Variants in STK10 observed in about 807,000 individuals in gnomAD.
STK10 encodes the protein serine/threonine-protein kinase 10.
Under a neutral mutation model 113.8 loss-of-function variants are expected in STK10, and 78 were observed. That is an observed-to-expected ratio of 0.69 (90% confidence interval 0.57 to 0.83). STK10 has a LOEUF of 0.83. Among genes scored for constraint, STK10 ranks in the 40% least tolerant of loss-of-function variants. The probability of loss-of-function intolerance (pLI) is 0.00; values close to 1 mark genes in which losing one functional copy is unlikely to be tolerated. For synonymous variants in STK10, 465 were observed against 494.7 expected (o/e 0.94, Z 0.80); for missense variants, 1,109 against 1,280.1 (o/e 0.87, Z 2.04).
intron 1 of STK10, among the ~76,000 whole-genome samples, chr5:172,162,929 C>T (rs950244665): frequency 6.6e-6 from 1 of 152,234 alleles, no homozygotes; most frequent in Admixed American, 6.5e-5. Flanking sequence ...GGCCAGGCCT[C>T]AGCCAGTACC....
chr5:172,085,093 A>C (rs973111054), intron 10 of STK10, among the ~76,000 whole-genome samples: 6 of 152,098 alleles, frequency 3.9e-5, no homozygotes, highest in Admixed American at 2.6e-4. Flanking sequence ...AAAAATACAA[A>C]AATTAGCCGG....
In STK10 at chr5:172,117,618, C is replaced by T; in HGVS notation, c.383G>A (p.Gly128Asp). Residue 128 changes from glycine (G) to aspartate (D), a missense_variant, in exon 4 of 19, where the codon GGC becomes GAC. Gly to Asp is a moderately conservative substitution (Grantham distance 94). This residue lies in a region of STK10 where 120 missense variants were observed against 134.8 expected (regional missense o/e 0.89). Transcript: ENST00000176763. Reference sequence around the variant, plus strand: ...CACCTGTATCTGGGGCTCCGTGAGGCCTCTGTCCAGCTCTGGAAATGGAGG... The same window carrying T: ...CACCTGTATCTGGGGCTCCGTGAGGTCTCTGTCCAGCTCTGGAAATGGAGG... ...VDAIMLELDRGLTEPQIQVVC... is the reference protein window; with the variant it reads ...VDAIMLELDRDLTEPQIQVVC... 6.2e-7 allele frequency: 1 copy of T among 1,614,058 alleles called. No homozygotes were observed.
intron 12 of STK10, among the ~76,000 whole-genome samples, chr5:172,069,420 G>C (rs1387714123): frequency 6.6e-6 from 1 of 152,060 alleles, no homozygotes; most frequent in Non-Finnish European, 1.5e-5. Context: ...TCAGAACAAG[G>C]AATATTATCA....
In STK10 at chr5:172,127,400, CT is replaced by C; in HGVS notation, c.342del (p.Gly116GlufsTer27). ...GKLWIMIEFCPGGAVDAIMLE... is the reference protein window; with the variant it reads ...GKLWIMIEFCXGGAVDAIMLE... ...AGCATGATGGCGTCCACGGCTCCCC[CT>C]GGACAGAACTCAATCATGATCTGCA... On this transcript the variant is annotated frameshift_variant, in exon 3 of 19. Transcript: ENST00000176763. LOFTEE classifies it high-confidence loss of function. 6.2e-7 allele frequency: 1 copy of C among 1,613,902 alleles called. No individual in the cohort carries two copies. The highest frequency in any genetic ancestry group is 8.5e-7 in the Non-Finnish European group (1 of 1,179,850).
At chr5:172,181,127 A>G (rs10059899) in intron 1 of STK10, among the ~76,000 whole-genome samples, 39,011 of 152,132 alleles carry the variant, frequency 0.26, 7,269 homozygotes, top group African/African-American at 0.53. Flanking sequence ...CAGATTGCAC[A>G]CACACCTCCT....
At chr5:172,123,846 A>G (rs1769566293) in intron 3 of STK10, among the ~76,000 whole-genome samples, 1 of 152,134 alleles carries the variant, frequency 6.6e-6, no homozygotes, top group South Asian at 2.1e-4. Flanking sequence ...TGCATGCAGA[A>G]AACCAGCATG....
Position 172,107,828 on chromosome 5 carries a change from T to C in STK10, c.545A>G (p.Asn182Ser), listed in dbSNP as rs752569044. 6 of 1,614,192 alleles carry C rather than the reference T, an allele frequency of 3.7e-6. No individual in the cohort carries two copies. Among genetic ancestry groups the C allele is most frequent in the Admixed American group, 3.3e-5 (2 of 60,026 alleles). Reference sequence around the variant, plus strand: ...ATCTCGTTTCTGTAGAGTCTTCAGATTCTTGGCAGACACACCAAAGTCAGC... The same window carrying C: ...ATCTCGTTTCTGTAGAGTCTTCAGACTCTTGGCAGACACACCAAAGTCAGC... ...RLADFGVSAK[N>S]LKTLQKRDSF... The change falls in exon 5 of 19, where the codon AAT (asparagine) becomes AGT (serine). Residue 182 changes from asparagine (N) to serine (S), a missense_variant. Asn to Ser is a conservative substitution (Grantham distance 46, BLOSUM62 1). This residue lies in a region of STK10 where 44 missense variants were observed against 84.4 expected (regional missense o/e 0.52). Transcript: ENST00000176763.
rs1581158582 is a variant in STK10, at chr5:172,105,654, A to C, written c.870+2T>G. On this transcript the variant is annotated splice_donor_variant, in intron 7 of 18. Transcript: ENST00000176763. LOFTEE classifies it high-confidence loss of function. The stretch of plus-strand genomic sequence containing the variant: ...AGCAGAGTGGGAGGGGAATCCACTC[A>C]CCTCCAGCAGCTGCGCGGCACTGGG... The C allele has an allele frequency of 6.2e-7, 1 of 1,613,218 alleles. No homozygotes were observed.
At position 172,133,817 on chromosome 5, in the gene STK10, C is replaced by T. The variant is rs1769803312; in HGVS notation, c.322-6396G>A. Among the ~76,000 whole-genome samples the T allele has an allele frequency of 6.6e-6, 1 of 152,180 alleles. No individual in the cohort carries two copies. Among genetic ancestry groups the T allele is most frequent in the East Asian group, 1.9e-4 (1 of 5,202 alleles). On this transcript the variant is annotated intron_variant, in intron 2 of 18. Transcript: ENST00000176763. This position sits in a 1 kb window ranked among gnomAD's most constrained non-coding sequence, Gnocchi z 4.9. ...GTTTAAGGTTTGCTGTCACTTGTTA[C>T]CAAAAGTACCTGATCCCACGCTTGG...
intron 2 of STK10, among the ~76,000 whole-genome samples, chr5:172,129,827 G>A (rs1185487226): frequency 6.6e-6 from 1 of 152,188 alleles, no homozygotes; most frequent in Non-Finnish European, 1.5e-5. Flanking sequence ...CTAGCTGGGC[G>A]ACCTGTGAGA....
chr5:172,115,024 C>G (rs1769344500), intron 4 of STK10: 2 of 152,302 alleles, frequency 1.3e-5, no homozygotes, highest in African/African-American at 4.8e-5. Context: ...GTGCGATTCT[C>G]ACAGGCTGGG....
At chr5:172,107,683 C>A in intron 5 of STK10, 97 bp downstream of exon 5, 1 of 842,922 alleles carries the variant, frequency 1.2e-6, no homozygotes. Context: ...GCGTGTAGCC[C>A]TTGTCTTCCG....
At chr5:172,161,752 T>C (rs922079186) in intron 1 of STK10, among the ~76,000 whole-genome samples, 1 of 152,108 alleles carries the variant, frequency 6.6e-6, no homozygotes, top group Non-Finnish European at 1.5e-5. Flanking sequence ...CAATATCTCA[T>C]AGACAGATGA....
chr5:172,071,285 T>TAA (rs113372968), intron 12 of STK10, among the ~76,000 whole-genome samples: 1,027 of 40,516 alleles, frequency 0.025, 17 homozygotes, highest in African/African-American at 0.086. Context: ...ATGAAAAGTT[T>TAA]AAAAAAAAAA....
At chr5:172,127,247 G>T in intron 3 of STK10, 126 bp downstream of exon 3, 1 of 959,192 alleles carries the variant, frequency 1.0e-6, no homozygotes, top group Non-Finnish European at 1.6e-6. Flanking sequence ...GCTCAAAGAG[G>T]CCATGGGAAC....
chr5:172,102,315 T>C (rs1032626985), intron 7 of STK10, among the ~76,000 whole-genome samples: 16 of 152,076 alleles, frequency 1.1e-4, no homozygotes, highest in African/African-American at 3.9e-4. Flanking sequence ...CCTGCATGGT[T>C]TGGGGCCTGA....
chr5:172,178,463 C>G (rs80230192), intron 1 of STK10, among the ~76,000 whole-genome samples: 434 of 152,314 alleles, frequency 2.8e-3, no homozygotes, highest in African/African-American at 9.8e-3. Context: ...TCAGGCAGCA[C>G]CTTTCGGTCT....
At chr5:172,183,507 T>C (rs1581194881) in intron 1 of STK10, among the ~76,000 whole-genome samples, 2 of 150,706 alleles carry the variant, frequency 1.3e-5, no homozygotes, top group Admixed American at 6.7e-5. Flanking sequence ...CAGGCTGGAG[T>C]GCACAATCTC....
At chr5:172,105,986 G>C (rs949072554) in intron 6 of STK10, among the ~76,000 whole-genome samples, 3 of 152,228 alleles carry the variant, frequency 2.0e-5, no homozygotes, top group African/African-American at 7.2e-5. Flanking sequence ...GCAGTGCCGG[G>C]ATTTGAACCC....
Sources: gnomAD v4.1 joint callset for allele counts (sites outside exome capture counted in the v4.1 genomes callset) on GRCh38, gnomAD v4.1.1 for gene constraint, gnomAD v4.1.1 regional missense constraint, Gnocchi (gnomAD v3.1) non-coding constraint, MANE v1.5 for transcripts, NCBI Gene and HGNC (gene_info 2026-07-23, HGNC 2026-07-21) for gene names.